DMD: variants seen among roughly 807,000 people sequenced by gnomAD.
DMD encodes mutant dystrophin.
Under a neutral mutation model 330.1 loss-of-function variants are expected in DMD, and 63 were observed. The ratio of observed to expected loss-of-function variants is 0.19; its 90% CI spans 0.16 to 0.24. The LOEUF (loss-of-function observed/expected upper bound fraction) is 0.24, where lower values mean the gene tolerates loss of function less well. Ranked by LOEUF, DMD falls within the 10% of genes least tolerant of loss-of-function variation. The pLI is 1.00. For missense variants in DMD, 3,344 were observed against 2,684.1 expected (o/e 1.25, Z -5.43); for synonymous variants, 1,223 against 959.8 (o/e 1.27, Z -5.07).
At chrX:32,656,961 T>C (rs2060618989) in intron 9 of DMD, among the ~76,000 whole-genome samples, 1 of 111,452 alleles carries the variant, frequency 9.0e-6, no homozygotes, top group African/African-American at 3.3e-5. Flanking sequence ...ATTTCATATG[T>C]GTTTATACAT....
At chrX:32,867,664 A>G (rs928654836) in intron 2 of DMD, among the ~76,000 whole-genome samples, 15 of 112,119 alleles carry the variant, frequency 1.3e-4, no homozygotes, top group African/African-American at 4.2e-4. Context: ...AGAGGTAGCA[A>G]CTTTCCAAAA....
At chrX:32,735,519 T>A (rs2068335323) in intron 7 of DMD, among the ~76,000 whole-genome samples, 1 of 111,222 alleles carries the variant, frequency 9.0e-6, no homozygotes, top group Non-Finnish European at 1.9e-5. Flanking sequence ...CAAACTATAC[T>A]ACAAGGCTGC....
chrX:33,219,619 A>G (rs762726701), intron 1 of DMD, among the ~76,000 whole-genome samples: 8 of 110,851 alleles, frequency 7.2e-5, no homozygotes, highest in Non-Finnish European at 1.1e-4. Context: ...TATAAGCAAA[A>G]CTCAAAACTA....
intron 7 of DMD, among the ~76,000 whole-genome samples, chrX:32,762,466 C>T (rs2855693): frequency 0.49 from 54,077 of 110,023 alleles, 10,470 homozygotes; most frequent in African/African-American, 0.7. Flanking sequence ...AAGAAATAAG[C>T]TAGATAATCA....
chrX:32,546,908 T>G (rs1186453989), intron 16 of DMD, among the ~76,000 whole-genome samples: 1 of 112,032 alleles, frequency 8.9e-6, no homozygotes, highest in East Asian at 2.8e-4. Context: ...CATTACGTGA[T>G]AAAATTAGTT....
intron 55 of DMD, chrX:31,508,452 A>C (rs2071171671): frequency 3.1e-6 from 1 of 326,710 alleles, no homozygotes; most frequent in South Asian, 7.4e-5. Context: ...TGTGGGAGGA[A>C]CCTCAAAGAG....
At chrX:32,224,499 T>C (rs2097141278) in intron 43 of DMD, among the ~76,000 whole-genome samples, 1 of 111,546 alleles carries the variant, frequency 9.0e-6, no homozygotes, top group Non-Finnish European at 1.9e-5. Context: ...AAAATAAAAG[T>C]GTGTGCAGTG....
intron 44 of DMD, among the ~76,000 whole-genome samples, chrX:32,022,012 T>C (rs1293878): frequency 0.032 from 3,558 of 112,286 alleles, 57 homozygotes; most frequent in Non-Finnish European, 0.05. Context: ...ACCAGTTCAA[T>C]GGAACTTATA....
chrX:33,207,074 A>G (rs1262277030), intron 1 of DMD, among the ~76,000 whole-genome samples: 2 of 110,731 alleles, frequency 1.8e-5, no homozygotes, highest in African/African-American at 3.3e-5. Flanking sequence ...CTATATGAGG[A>G]CACTTTTAAG....
At chrX:31,766,213 G>A (rs983386946) in intron 51 of DMD, among the ~76,000 whole-genome samples, 4 of 111,540 alleles carry the variant, frequency 3.6e-5, no homozygotes, top group Non-Finnish European at 5.7e-5. Context: ...CCATATAAAG[G>A]AGCCCTAACT....
chrX:32,450,986 G>C (rs1292741880), intron 26 of DMD, among the ~76,000 whole-genome samples: 1 of 110,968 alleles, frequency 9.0e-6, no homozygotes, highest in Non-Finnish European at 1.9e-5. Flanking sequence ...AAGGTAGAAA[G>C]CTAAATGACT....
intron 7 of DMD, among the ~76,000 whole-genome samples, chrX:32,749,146 A>C (rs144998401): frequency 0.011 from 1,245 of 112,134 alleles, 14 homozygotes; most frequent in Non-Finnish European, 0.018. Flanking sequence ...AATGTAAGCC[A>C]AAATCTAAGG....
At chrX:31,582,198 A>G (rs942035622) in intron 55 of DMD, among the ~76,000 whole-genome samples, 4 of 112,065 alleles carry the variant, frequency 3.6e-5, no homozygotes, top group African/African-American at 1.3e-4. Context: ...GTAATGCCCT[A>G]TGGACCAGAG....
intron 30 of DMD, among the ~76,000 whole-genome samples, chrX:32,392,234 C>T (rs141090660): frequency 1.8e-3 from 199 of 111,044 alleles, no homozygotes; most frequent in African/African-American, 6.2e-3. Flanking sequence ...GCTTCCAATG[C>T]GGTATGGCTT....
chrX:32,695,842 G>T (rs2063614186), intron 9 of DMD, among the ~76,000 whole-genome samples: 1 of 111,885 alleles, frequency 8.9e-6, no homozygotes, highest in Non-Finnish European at 1.9e-5. Flanking sequence ...ATAAGCTAAA[G>T]AAGTTGGAAG....
At chrX:33,009,142 GTGTATATATACGTATATATGTATATATA>G (rs2093500174) in intron 2 of DMD, among the ~76,000 whole-genome samples, 2 of 46,686 alleles carry the variant, frequency 4.3e-5, no homozygotes, top group Admixed American at 2.4e-4. Flanking sequence ...GTATATATAT[GTGTATATATACGTATATATGTATATATA>G]TGTGTATATA....
intron 55 of DMD, among the ~76,000 whole-genome samples, chrX:31,558,645 A>G (rs1035518631): frequency 9.2e-6 from 1 of 108,609 alleles, no homozygotes; most frequent in African/African-American, 3.4e-5. Flanking sequence ...TTATATGTGT[A>G]TATATATATA....
Position 31,594,275 on chromosome X carries a change from C to A in DMD, c.8217+33398G>T, listed in dbSNP as rs955452513. On this transcript the variant is annotated intron_variant, in intron 55 of 78. Coordinates refer to ENST00000357033, the MANE Select transcript of DMD (RefSeq NM_004006.3). ...GTGGAGGTAAAAATATCCCCCGCCC[C>A]CCATTTTGAGAACCATTGCAATAGA... Among the ~76,000 whole-genome samples, 5 of 110,241 alleles carry A rather than the reference C, an allele frequency of 4.5e-5. No individual in the cohort carries two copies. In the Admixed American group the frequency reaches 4.9e-4, roughly 11 times the overall value.
At chrX:32,063,513 T>C (rs2096242036) in intron 44 of DMD, among the ~76,000 whole-genome samples, 1 of 110,966 alleles carries the variant, frequency 9.0e-6, no homozygotes. Context: ...TGGGTCTCGA[T>C]TATTTGTTTC....
Sources: allele counts gnomAD v4.1 joint callset (sites outside exome capture counted in the v4.1 genomes callset), GRCh38; gene constraint gnomAD v4.1.1; transcripts MANE v1.5; gene names NCBI Gene and HGNC (gene_info 2026-07-23, HGNC 2026-07-21).